The following METTL2A variants were observed in gnomAD, a reference collection of about 807,000 sequenced individuals.
The protein encoded by METTL2A is methyltransferase 2A, tRNA N3-cytidine.
A neutral mutation model predicts 49.4 loss-of-function variants in METTL2A; 45 were observed. That is an observed-to-expected ratio of 0.91 (90% CI 0.72 to 1.17). METTL2A has a LOEUF of 1.17. Ranked by LOEUF, METTL2A falls within the 50% of genes most tolerant of loss-of-function variation. The pLI, the probability that METTL2A is intolerant of heterozygous loss-of-function variation, is 0.00. For missense variants in METTL2A, 361 were observed against 462.2 expected (o/e 0.78, Z 2.01); for synonymous variants, 118 against 167.5 (o/e 0.70, Z 2.28).
At chr17:62,446,505 G>T (rs1193577646) in intron 7 of METTL2A, among the ~76,000 whole-genome samples, 6 of 152,058 alleles carry the variant, frequency 3.9e-5, no homozygotes, top group African/African-American at 1.4e-4. Flanking sequence ...TAGAGACAGG[G>T]TTTCACCATG....
At chr17:62,431,541 C>T (rs1475867681) in intron 4 of METTL2A, among the ~76,000 whole-genome samples, 2 of 151,568 alleles carry the variant, frequency 1.3e-5, no homozygotes, top group Non-Finnish European at 2.9e-5. Context: ...TTTGTAGAAA[C>T]GGGGTTTTGC....
chr17:62,435,472 A>G (rs1002754583), intron 5 of METTL2A, among the ~76,000 whole-genome samples, 180 bp downstream of exon 5: 2 of 152,192 alleles, frequency 1.3e-5, no homozygotes, highest in East Asian at 3.8e-4. Flanking sequence ...ATCACACTGT[A>G]TAGATGTCGT....
chr17:62,426,362 T>G lies in METTL2A; in HGVS notation c.266T>G (p.Phe89Cys), dbSNP rs2070626402. The change falls in exon 3 of 9, where the codon TTT becomes TGT. Residue 89 changes from phenylalanine to cysteine, a missense_variant. Physicochemically the swap from Phe to Cys is radical, Grantham distance 205. Transcript: ENST00000311506. ...TTCTACAAAATCCACGAAAATGGGTTTTTCAAGGATAGACATTGGCTTTTT... is the reference window on the plus strand; with the variant it reads ...TTCTACAAAATCCACGAAAATGGGTGTTTCAAGGATAGACATTGGCTTTTT... ...NDFYKIHENG[F>C]FKDRHWLFTE... The G allele has an allele frequency of 6.2e-7, 1 of 1,613,652 alleles. No homozygotes were observed. Among genetic ancestry groups the G allele is most frequent in the South Asian group, 1.1e-5 (1 of 91,056 alleles).
rs2070806176 is a variant in METTL2A at position 62,451,598 on chromosome 17, G to T, written c.*2869G>T. Reference sequence around the variant, plus strand: ...GCCAACTTAATGAAACCCCATCACTGCTAACAATACAGACCTGGCACGGTG... The same window carrying T: ...GCCAACTTAATGAAACCCCATCACTTCTAACAATACAGACCTGGCACGGTG... On this transcript the variant is annotated 3_prime_UTR_variant, in exon 9 of 9. Transcript: ENST00000311506. 6.6e-6 allele frequency among the ~76,000 whole-genome samples: 1 copy of T among 151,494 alleles called. No homozygotes were observed. Among genetic ancestry groups the T allele is most frequent in the East Asian group, 2.0e-4 (1 of 5,098 alleles).
intron 4 of METTL2A, among the ~76,000 whole-genome samples, chr17:62,431,678 A>G (rs2070666515): frequency 6.6e-6 from 1 of 152,054 alleles, no homozygotes; most frequent in Admixed American, 6.6e-5. Context: ...TTGAGATATA[A>G]AGTGTATAAT....
At chr17:62,444,737 C>T in intron 6 of METTL2A, 100 bp from the exon 7 acceptor site, 4 of 1,097,792 alleles carry the variant, frequency 3.6e-6, no homozygotes, top group Non-Finnish European at 5.4e-6. Flanking sequence ...CTTGGTGTGT[C>T]AGTTGAGGAA....
intron 4 of METTL2A, among the ~76,000 whole-genome samples, chr17:62,433,064 T>G (rs183420916): frequency 1.4e-4 from 22 of 152,298 alleles, no homozygotes; most frequent in South Asian, 1.2e-3. Flanking sequence ...TGTATGCAAA[T>G]GCTACACCCG....
intron 4 of METTL2A, among the ~76,000 whole-genome samples, chr17:62,433,472 G>T (rs907385137): frequency 6.6e-6 from 1 of 151,676 alleles, no homozygotes; most frequent in African/African-American, 2.4e-5. Context: ...AGGCACGGTG[G>T]CTCATGCCTG....
At chr17:62,441,499 T>G (rs1414168876) in intron 6 of METTL2A, among the ~76,000 whole-genome samples, 1 of 152,158 alleles carries the variant, frequency 6.6e-6, no homozygotes, top group Admixed American at 6.6e-5. Flanking sequence ...TGGGCTGGAA[T>G]GCAATGGCGT....
Position 62,448,807 on chromosome 17 carries a change from T to A in METTL2A, c.*78T>A. 1 of 1,586,130 alleles carries A rather than the reference T, an allele frequency of 6.3e-7. No homozygotes were observed. Among genetic ancestry groups the A allele is most frequent in the East Asian group, 2.2e-5 (1 of 44,596 alleles). ...AAAAAAAAAATTGTAGCACTGGGCG[T>A]GGTGCATGCCTGTAATCCCAGCCAC... On this transcript the variant is annotated 3_prime_UTR_variant, in exon 9 of 9. Coordinates refer to ENST00000311506, the MANE Select transcript of METTL2A (RefSeq NM_181725.4).
At position 62,447,754 on chromosome 17, in the gene METTL2A, T is replaced by G. The variant is rs1476366081; in HGVS notation, c.970T>G (p.Phe324Val). 6.8e-6 allele frequency: 11 copies of G among 1,614,084 alleles called. No homozygotes were observed. Among genetic ancestry groups the G allele is most frequent in the Non-Finnish European group, 9.3e-6 (11 of 1,180,012 alleles). Residue 324 changes from phenylalanine (F) to valine (V), a missense_variant, in exon 8 of 9, where the codon TTC becomes GTC. Around this residue, in one of 3 missense-constraint regions of METTL2A, gnomAD observed 183 missense variants for 216.5 expected, o/e 0.85. Transcript: ENST00000311506. ...YVRGDGTRVY[F>V]FTQEELDTLF... ...GAGAGGTGATGGAACCAGAGTTTACTTCTTCACACAAGGTATGAAACACCC... is the reference window on the plus strand; with the variant it reads ...GAGAGGTGATGGAACCAGAGTTTACGTCTTCACACAAGGTATGAAACACCC...
intron 4 of METTL2A, among the ~76,000 whole-genome samples, chr17:62,429,568 T>C (rs1030748242): frequency 6.7e-6 from 1 of 150,066 alleles, no homozygotes; most frequent in Non-Finnish European, 1.5e-5. Context: ...TGGGATTATA[T>C]GTGTGAGCCA....
intron 2 of METTL2A, among the ~76,000 whole-genome samples, chr17:62,424,654 T>C (rs2070610702): frequency 6.6e-6 from 1 of 152,174 alleles, no homozygotes; most frequent in East Asian, 1.9e-4. Context: ...GATTTGCATT[T>C]TCCATGAGGA....
Position 62,451,264 on chromosome 17 carries a change from A to G in METTL2A, c.*2535A>G, listed in dbSNP as rs921158508. On this transcript the variant is annotated 3_prime_UTR_variant, in exon 9 of 9. Transcript: ENST00000311506. ...CAAGTTTAAATGATTCTCCTGCCTCAGCCTCCCAAGTAGCTGGAATTACAG... is the reference window on the plus strand; with the variant it reads ...CAAGTTTAAATGATTCTCCTGCCTCGGCCTCCCAAGTAGCTGGAATTACAG... Among the ~76,000 whole-genome samples the G allele has an allele frequency of 4.0e-5, 6 of 150,714 alleles. No homozygotes were observed. Among genetic ancestry groups the G allele is most frequent in the African/African-American group, 1.5e-4 (6 of 40,940 alleles).
chr17:62,442,099 A>C (rs1190715587), intron 6 of METTL2A, among the ~76,000 whole-genome samples: 1 of 152,170 alleles, frequency 6.6e-6, no homozygotes, highest in African/African-American at 2.4e-5. Context: ...TATTAGCAAC[A>C]TGAAATTTAC....
At chr17:62,424,436 T>G (rs1341432854) in intron 2 of METTL2A, 126 bp downstream of exon 2, 4 of 1,381,990 alleles carry the variant, frequency 2.9e-6, no homozygotes, top group Non-Finnish European at 4.0e-6. Context: ...ATCTCAGGAG[T>G]AGAGCGGGAC....
chr17:62,438,548 G>C (rs963982736), intron 5 of METTL2A, among the ~76,000 whole-genome samples: 1 of 148,420 alleles, frequency 6.7e-6, no homozygotes, highest in Non-Finnish European at 1.5e-5. Flanking sequence ...CACCACTCCA[G>C]CCTGGGCAAC....
In METTL2A at chr17:62,449,198, G is replaced by A. The variant is rs2144161617; in HGVS notation, c.*469G>A. The stretch of plus-strand genomic sequence containing the variant: ...TGAAAAAGTGTTACATATGACAAGT[G>A]TTTTTTGACTGTAATTGCGTTAAAT... On this transcript the variant is annotated 3_prime_UTR_variant, in exon 9 of 9. Coordinates refer to ENST00000311506, the MANE Select transcript of METTL2A (RefSeq NM_181725.4). 3.7e-6 allele frequency: 1 copy of A among 269,104 alleles called. No homozygotes were observed. The highest frequency in any genetic ancestry group is 1.5e-4 in the East Asian group (1 of 6,896). The allele number at this position is 269,104 out of a possible 1,614,324, so 16.7% of individuals were successfully genotyped here. A position where few individuals can be genotyped will look rare whatever the true frequency, so the allele number is the denominator to read the frequency against.
intron 4 of METTL2A, among the ~76,000 whole-genome samples, chr17:62,429,820 G>A (rs2070652453): frequency 6.6e-6 from 1 of 152,098 alleles, no homozygotes; most frequent in Admixed American, 6.6e-5. Flanking sequence ...ACAGGCATGC[G>A]CCACAATGCC....
Sources: gnomAD v4.1 joint callset for allele counts (sites outside exome capture counted in the v4.1 genomes callset) on GRCh38, gnomAD v4.1.1 for gene constraint, gnomAD v4.1.1 regional missense constraint, MANE v1.5 for transcripts, NCBI Gene and HGNC (gene_info 2026-07-23, HGNC 2026-07-21) for gene names.